NTM: variants seen among roughly 807,000 people sequenced by gnomAD.
NTM encodes neurotrimin.
A neutral mutation model predicts 42.1 loss-of-function variants in NTM; 13 were observed. The ratio of observed to expected loss-of-function variants is 0.31; its 90% CI spans 0.20 to 0.49. The LOEUF (loss-of-function observed/expected upper bound fraction) is 0.49, where lower values mean the gene tolerates loss of function less well. Ranked by LOEUF, NTM falls within the 20% of genes least tolerant of loss-of-function variation. NTM has a pLI of 0.99. For synonymous variants in NTM, 187 were observed against 179.2 expected (o/e 1.04, Z -0.35); for missense variants, 373 against 452.8 (o/e 0.82, Z 1.60).
intron 1 of NTM, among the ~76,000 whole-genome samples, chr11:131,656,538 GAGA>G: frequency 6.6e-6 from 1 of 152,352 alleles, no homozygotes; most frequent in East Asian, 1.9e-4. Context: ...AGATGCTAAG[GAGA>G]AGGAGTTGGA....
rs576970751 is a variant in NTM at position 131,957,646 on chromosome 11, A to G, written c.167+45998A>G. On this transcript the variant is annotated intron_variant, in intron 2 of 8. Coordinates refer to ENST00000683400, the MANE Select transcript of NTM (RefSeq NM_001352005.2). The stretch of plus-strand genomic sequence containing the variant: ...TAAAAATAAAGGTAGTAAGTGTAAG[A>G]GCATTTTAATTGCCATCCCACTAGT... Among the ~76,000 whole-genome samples the G allele has an allele frequency of 4.9e-4, 75 of 152,334 alleles. 1 individual carries two copies. The South Asian group carries it at 0.013, about 27-fold the overall frequency.
intron 1 of NTM, among the ~76,000 whole-genome samples, chr11:131,574,389 T>G (rs887550831): frequency 1.3e-5 from 2 of 152,110 alleles, no homozygotes; most frequent in African/African-American, 4.8e-5. Flanking sequence ...AAAAAGGCGT[T>G]GTTCATACTC....
At chr11:131,579,868 T>TA (rs1342287381) in intron 1 of NTM, among the ~76,000 whole-genome samples, 1 of 152,192 alleles carries the variant, frequency 6.6e-6, no homozygotes, top group Non-Finnish European at 1.5e-5. Flanking sequence ...TATATTTCTA[T>TA]AAAAACTACT....
rs540832447 is a variant in NTM at position 132,318,525 on chromosome 11, C to T, written c.934+3822C>T. On this transcript the variant is annotated intron_variant, in intron 7 of 8. Coordinates refer to ENST00000683400, the MANE Select transcript of NTM (RefSeq NM_001352005.2). ...TTCCAGTCCTCCCCTGCAAATATCTCCCGCGTCTCTTGCCTGTCTTTGCAC... is the reference window on the plus strand; with the variant it reads ...TTCCAGTCCTCCCCTGCAAATATCTTCCGCGTCTCTTGCCTGTCTTTGCAC... Among the ~76,000 whole-genome samples the T allele has an allele frequency of 1.3e-4, 20 of 152,286 alleles. No homozygotes were observed. In the East Asian group the frequency reaches 3.7e-3, roughly 28 times the overall value.
chr11:131,719,059 G>T (rs1341310342), intron 1 of NTM, among the ~76,000 whole-genome samples: 1 of 152,092 alleles, frequency 6.6e-6, no homozygotes, highest in African/African-American at 2.4e-5. Flanking sequence ...ACAGGCACGT[G>T]CCACCACACC....
intron 2 of NTM, among the ~76,000 whole-genome samples, chr11:131,915,786 C>T (rs1237871986): frequency 6.6e-6 from 1 of 152,140 alleles, no homozygotes; most frequent in Non-Finnish European, 1.5e-5. Context: ...AGGGGAAACC[C>T]CTTATAAAAT....
intron 2 of NTM, chr11:131,922,185 A>G (rs562369895): frequency 4.6e-5 from 7 of 152,740 alleles, no homozygotes; most frequent in Admixed American, 2.0e-4. Flanking sequence ...AAGTTGGATA[A>G]ACGTCCTCCT....
At chr11:131,461,363 A>G (rs1382753256) in intron 1 of NTM, among the ~76,000 whole-genome samples, 1 of 152,246 alleles carries the variant, frequency 6.6e-6, no homozygotes, top group Non-Finnish European at 1.5e-5. Flanking sequence ...ATGTCTGTAT[A>G]GTGACTGATA....
At chr11:131,695,365 G>T (rs1164000914) in intron 1 of NTM, among the ~76,000 whole-genome samples, 2 of 152,150 alleles carry the variant, frequency 1.3e-5, no homozygotes, top group African/African-American at 4.8e-5. Context: ...GCTCAGAAAG[G>T]TTTCCTGAAC....
chr11:131,476,974 G>A (rs1953007946), intron 1 of NTM, among the ~76,000 whole-genome samples: 1 of 152,064 alleles, frequency 6.6e-6, no homozygotes, highest in South Asian at 2.1e-4. Context: ...AACTTAGGGG[G>A]CACTTGCTAT....
chr11:132,104,981 A>G (rs1325502183), intron 2 of NTM, among the ~76,000 whole-genome samples: 10 of 112,368 alleles, frequency 8.9e-5, no homozygotes, highest in South Asian at 3.0e-4. Flanking sequence ...ATATATATAT[A>G]TATATATATA....
intron 2 of NTM, among the ~76,000 whole-genome samples, chr11:132,103,361 A>T (rs1423832641): frequency 6.6e-6 from 1 of 152,330 alleles, no homozygotes; most frequent in Non-Finnish European, 1.5e-5. Context: ...TTGCGCTGGC[A>T]TTTCTAATCT....
intron 1 of NTM, among the ~76,000 whole-genome samples, chr11:131,802,934 T>C (rs966848293): frequency 6.6e-6 from 1 of 152,184 alleles, no homozygotes; most frequent in Non-Finnish European, 1.5e-5. Context: ...GAGAGCCTGA[T>C]GGGTTGTGGA....
At chr11:131,836,629 A>G (rs146357460) in intron 1 of NTM, among the ~76,000 whole-genome samples, 1 of 152,328 alleles carries the variant, frequency 6.6e-6, no homozygotes, top group African/African-American at 2.4e-5. Flanking sequence ...TCTCCATGTC[A>G]TGAGTGGTTG....
At chr11:131,608,298 G>T (rs938156667) in intron 1 of NTM, among the ~76,000 whole-genome samples, 1 of 152,090 alleles carries the variant, frequency 6.6e-6, no homozygotes, top group Non-Finnish European at 1.5e-5. Context: ...GTCTACCATC[G>T]TTGGACATTT....
At chr11:131,752,771 CTAAAACCACAAAAACCCTAGAA>C (rs2135715985) in intron 1 of NTM, among the ~76,000 whole-genome samples, 1 of 139,634 alleles carries the variant, frequency 7.2e-6, no homozygotes, top group South Asian at 2.4e-4. Flanking sequence ...AACGTTAGCC[CTAAAACCACAAAAACCCTAGAA>C]GAAAACCGCG....
chr11:131,770,578 A>T (rs2085903434), intron 1 of NTM, among the ~76,000 whole-genome samples: 1 of 152,114 alleles, frequency 6.6e-6, no homozygotes, highest in African/African-American at 2.4e-5. Context: ...GAGTTATAAA[A>T]TTTTTTTAAT....
chr11:131,525,012 G>T (rs770135918), intron 1 of NTM, among the ~76,000 whole-genome samples: 16 of 152,084 alleles, frequency 1.1e-4, no homozygotes, highest in Non-Finnish European at 2.1e-4. Context: ...AATGTTTAAG[G>T]TGATGGGATG....
chr11:132,330,068 C>T, intron 7 of NTM, 85 bp from the exon 8 acceptor site: 1 of 1,536,460 alleles, frequency 6.5e-7, no homozygotes, highest in Non-Finnish European at 8.8e-7. Flanking sequence ...GGAGCGCCAG[C>T]TTCTTCCTGA....
Sources: gnomAD v4.1 joint callset for allele counts (sites outside exome capture counted in the v4.1 genomes callset) on GRCh38, gnomAD v4.1.1 for gene constraint, MANE v1.5 for transcripts, NCBI Gene and HGNC (gene_info 2026-07-23, HGNC 2026-07-21) for gene names.